Variants in TACC1 observed in about 807,000 individuals in gnomAD.
TACC1 encodes the protein transforming acidic coiled-coil containing protein 1, also known as transforming acidic coiled-coil-containing protein 1.
TACC1 carries 48 observed loss-of-function variants against 84.4 expected under a neutral mutation model. The ratio of observed to expected loss-of-function variants is 0.57; its 90% CI spans 0.45 to 0.72. The LOEUF is 0.72. TACC1 is among the 30% of genes least tolerant of loss of function. The pLI is 0.00. For missense variants in TACC1, 920 were observed against 973.0 expected (o/e 0.95, Z 0.72); for synonymous variants, 372 against 376.3 (o/e 0.99, Z 0.13).
intron 2 of TACC1, among the ~76,000 whole-genome samples, chr8:38,798,753 T>G (rs575717927): frequency 6.6e-6 from 1 of 152,104 alleles, no homozygotes; most frequent in East Asian, 1.9e-4. Context: ...CCCTCTCCCA[T>G]GCTTCCGGGG....
At chr8:38,783,227 A>T (rs1816484711), upstream of TACC1, among the ~76,000 whole-genome samples, 1 of 151,420 alleles carries the variant, frequency 6.6e-6, no homozygotes, top group Non-Finnish European at 1.5e-5. Flanking sequence ...TGAATGGTAT[A>T]CTTCCTGGGG....
chr8:38,852,018 T>C lies in TACC1; in HGVS notation c.*3995T>C, dbSNP rs1833162241. ...CTCCATAGAGTAACAGTAAAGAAAC[T>C]GATGTAACAGACTCTCCTCTCAAAG... On this transcript the variant is annotated 3_prime_UTR_variant, in exon 13 of 13. Coordinates refer to ENST00000317827, the MANE Select transcript of TACC1 (RefSeq NM_006283.3). 2.2e-6 allele frequency: 1 copy of C among 455,104 alleles called. No individual in the cohort carries two copies. Among genetic ancestry groups the C allele is most frequent in the South Asian group, 1.6e-5 (1 of 64,324 alleles). 28.2% of individuals were successfully genotyped at this position (455,104 alleles called of 1,614,324 possible).
intron 4 of TACC1, 52 bp downstream of exon 4, chr8:38,825,420 G>A: frequency 1.2e-6 from 2 of 1,604,862 alleles, no homozygotes; most frequent in South Asian, 1.1e-5. Context: ...GTCCTCCAGT[G>A]GGAGTTTGCA....
chr8:38,802,568 A>G (rs1171815470), intron 2 of TACC1, among the ~76,000 whole-genome samples: 1 of 152,140 alleles, frequency 6.6e-6, no homozygotes, highest in Non-Finnish European at 1.5e-5. Flanking sequence ...TGGTGCCAAA[A>G]AGGTTGGGGA....
chr8:38,776,140 T>C (rs1814749279), intron 3 of TACC1, among the ~76,000 whole-genome samples: 1 of 152,152 alleles, frequency 6.6e-6, no homozygotes, highest in Non-Finnish European at 1.5e-5. Flanking sequence ...CCAAAGAAAA[T>C]AATAACCTTC....
upstream of TACC1, among the ~76,000 whole-genome samples, chr8:38,782,546 C>T (rs147422247): frequency 0.015 from 2,289 of 152,212 alleles, 53 homozygotes; most frequent in African/African-American, 0.052. Flanking sequence ...AGTAATGGGA[C>T]GGCTGGGTCA....
intron 2 of TACC1, among the ~76,000 whole-genome samples, chr8:38,810,150 A>G (rs1397476546): frequency 6.6e-6 from 1 of 152,114 alleles, no homozygotes; most frequent in Non-Finnish European, 1.5e-5. Flanking sequence ...TATTTTTAAA[A>G]GCAAATTCCA....
In TACC1 at chr8:38,787,407, C is replaced by T; in HGVS notation, c.-176C>T. On this transcript the variant is annotated 5_prime_UTR_variant, in exon 1 of 13. Transcript: ENST00000317827. ...GCCGAGGAGGACGCAGCGCCGGCTG[C>T]CGGCGGGAGGAAGCGCTCCACCAGG... is the stretch of plus-strand genomic sequence containing the variant. 2 of 1,353,046 alleles carry T rather than the reference C, an allele frequency of 1.5e-6. No individual in the cohort carries two copies. Among genetic ancestry groups the T allele is most frequent in the Non-Finnish European group, 1.9e-6 (2 of 1,059,390 alleles). The allele number at this position is 1,353,046 out of a possible 1,614,324, so 83.8% of individuals were successfully genotyped here.
At chr8:38,842,476 G>A in intron 10 of TACC1, 29 bp downstream of exon 10, 1 of 1,585,312 alleles carries the variant, frequency 6.3e-7, no homozygotes, top group East Asian at 2.2e-5. Flanking sequence ...CTGTCTCCTG[G>A]TGTATTTCCA....
intron 1 of TACC1, among the ~76,000 whole-genome samples, chr8:38,729,074 C>T (rs2151582490): frequency 7.7e-6 from 1 of 129,350 alleles, no homozygotes; most frequent in South Asian, 2.7e-4. Context: ...ATACCTTCAT[C>T]TGGGAATAGA....
At chr8:38,799,113 C>G (rs1475230774) in intron 2 of TACC1, among the ~76,000 whole-genome samples, 1 of 152,176 alleles carries the variant, frequency 6.6e-6, no homozygotes, top group Non-Finnish European at 1.5e-5. Context: ...ACGCTTGTTT[C>G]CCTCCTGAAG....
chr8:38,816,766 A>G (rs1369407523), intron 2 of TACC1, among the ~76,000 whole-genome samples: 1 of 152,156 alleles, frequency 6.6e-6, no homozygotes, highest in Non-Finnish European at 1.5e-5. Context: ...ATGTTCACCA[A>G]CCTGGAAGCT....
intron 2 of TACC1, among the ~76,000 whole-genome samples, chr8:38,815,638 C>T (rs151315718): frequency 0.03 from 4,588 of 152,128 alleles, 223 homozygotes; most frequent in African/African-American, 0.11. Context: ...AGGCTGGTTT[C>T]GAACCCCTGA....
chr8:38,838,507 A>G lies in TACC1; in HGVS notation c.1877A>G (p.Lys626Arg). Residue 626 changes from lysine (K) to arginine (R), a missense_variant, in exon 8 of 13, where the codon AAG (lysine) becomes AGG (arginine). By Grantham distance (26) the Lys-to-Arg change is conservative. Coordinates refer to ENST00000317827, the MANE Select transcript of TACC1 (RefSeq NM_006283.3). The part of the protein sequence containing the change: ...TKEIEANEWK[K>R]KYEETRQEVL... ...GAGATTGAAGCAAATGAATGGAAGA[A>G]GAAATACGAAGAGACCCGGCAAGAA... 2.5e-6 allele frequency: 4 copies of G among 1,614,042 alleles called. No homozygotes were observed. Among genetic ancestry groups the G allele is most frequent in the Non-Finnish European group, 3.4e-6 (4 of 1,179,902 alleles).
intron 2 of TACC1, among the ~76,000 whole-genome samples, chr8:38,809,706 G>A (rs1823615113): frequency 6.6e-6 from 1 of 152,150 alleles, no homozygotes; most frequent in Non-Finnish European, 1.5e-5. Context: ...CTGTGGGACT[G>A]ATGGTGAAGG....
intron 2 of TACC1, among the ~76,000 whole-genome samples, chr8:38,811,561 A>C (rs566838229): frequency 6.6e-6 from 1 of 152,362 alleles, no homozygotes; most frequent in Admixed American, 6.5e-5. Flanking sequence ...TCTTTACTGC[A>C]ATCTCTGAAC....
chr8:38,825,218 TC>T, intron 3 of TACC1, 89 bp from the exon 4 acceptor site: 2 of 1,384,968 alleles, frequency 1.4e-6, no homozygotes, highest in Non-Finnish European at 2.1e-6. Context: ...TTGGCTTCTA[TC>T]CGCACACACT....
At chr8:38,749,927 G>A (rs1469318508) in intron 3 of TACC1, among the ~76,000 whole-genome samples, 2 of 152,166 alleles carry the variant, frequency 1.3e-5, no homozygotes, top group African/African-American at 4.8e-5. Context: ...GTTAATCAAT[G>A]TAATTCAACA....
chr8:38,785,639 C>G, upstream of TACC1: 2 of 955,254 alleles, frequency 2.1e-6, no homozygotes, highest in Non-Finnish European at 2.5e-6. Context: ...CTAGTGTATG[C>G]TAGTTACTGA....
Sources: allele counts gnomAD v4.1 joint callset (sites outside exome capture counted in the v4.1 genomes callset), GRCh38; gene constraint gnomAD v4.1.1; transcripts MANE v1.5; gene names NCBI Gene and HGNC (gene_info 2026-07-23, HGNC 2026-07-21).